Variants in PLXDC2 observed in about 807,000 individuals in gnomAD.
PLXDC2 encodes the protein plexin domain containing 2, also known as plexin domain-containing protein 2.
A neutral mutation model predicts 68.9 loss-of-function variants in PLXDC2; 40 were observed. The observed-to-expected ratio is 0.58, with a 90% CI of 0.45 to 0.76. The LOEUF (loss-of-function observed/expected upper bound fraction) is 0.76. Among genes scored for constraint, PLXDC2 ranks in the 30% least tolerant of loss-of-function variants. PLXDC2 has a pLI of 0.00. For missense variants in PLXDC2, 644 were observed against 661.9 expected, an observed-to-expected ratio of 0.97 and a Z score of 0.30; for synonymous variants, 243 against 234.2, an observed-to-expected ratio of 1.04 and a Z score of -0.34.
rs978510007 is a variant in PLXDC2, at chr10:20,286,466, G to T, written c.*6647G>T. 9 of 151,890 alleles carry T rather than the reference G, an allele frequency of 5.9e-5. No individual in the cohort carries two copies. The highest frequency in any genetic ancestry group is 2.2e-4 in the African/African-American group (9 of 41,346). The allele number at this position is 151,890 out of a possible 1,614,324, so 9.4% of individuals were successfully genotyped here. On this transcript the variant is annotated 3_prime_UTR_variant, in exon 14 of 14. Transcript: ENST00000377252. ...CTTCTCTTCATTCCACGAGAATTTT[G>T]ATTTTTAACAGCAGTCTCTCTTTTT...
chr10:20,103,372 T>G (rs922208160), intron 4 of PLXDC2, among the ~76,000 whole-genome samples: 4 of 152,150 alleles, frequency 2.6e-5, no homozygotes, highest in African/African-American at 7.2e-5. Context: ...AGATAGGCCA[T>G]GTAGATGTCA....
intron 1 of PLXDC2, among the ~76,000 whole-genome samples, 195 bp from the exon 2 acceptor site, chr10:20,001,580 G>A (rs12767775): frequency 1.3e-5 from 2 of 152,126 alleles, no homozygotes; most frequent in South Asian, 4.1e-4. Context: ...ACAACTCCTG[G>A]TGTTTCCTGC....
chr10:19,929,204 C>A (rs1406447985), intron 1 of PLXDC2, among the ~76,000 whole-genome samples: 1 of 151,652 alleles, frequency 6.6e-6, no homozygotes. Context: ...TGTGGTGAAA[C>A]CCTGCTCTAC....
At chr10:19,917,419 A>G (rs776775516) in intron 1 of PLXDC2, among the ~76,000 whole-genome samples, 1 of 152,228 alleles carries the variant, frequency 6.6e-6, no homozygotes, top group African/African-American at 2.4e-5. Flanking sequence ...GAGCATCAAA[A>G]GTATCACAAA....
At chr10:19,851,584 T>TCAAA (rs1837119156) in intron 1 of PLXDC2, among the ~76,000 whole-genome samples, 1 of 152,130 alleles carries the variant, frequency 6.6e-6, no homozygotes, top group African/African-American at 2.4e-5. Context: ...CTCGCTCTGT[T>TCAAA]ACCCAGGCTG....
At chr10:20,220,505 C>T (rs1452538156) in intron 12 of PLXDC2, among the ~76,000 whole-genome samples, 1 of 152,078 alleles carries the variant, frequency 6.6e-6, no homozygotes, top group African/African-American at 2.4e-5. Context: ...TTACTTCCTT[C>T]CCTTCCTTTC....
At position 20,022,454 on chromosome 10, in the gene PLXDC2, G is replaced by A. The variant is rs1835328588; in HGVS notation, c.324+20468G>A. Among the ~76,000 whole-genome samples the A allele has an allele frequency of 2.0e-5, 3 of 152,322 alleles. No homozygotes were observed. In the South Asian group the frequency reaches 6.2e-4, roughly 32 times the overall value. On this transcript the variant is annotated intron_variant, in intron 2 of 13. Coordinates refer to ENST00000377252, the MANE Select transcript of PLXDC2 (RefSeq NM_032812.9). ...GATGATTGGGAAGACTTGTTAGAAA[G>A]GCTGAGGTCAGAACCCAGAGGTCCT...
intron 1 of PLXDC2, among the ~76,000 whole-genome samples, chr10:19,983,554 G>C (rs920846319): frequency 6.6e-6 from 1 of 152,158 alleles, no homozygotes; most frequent in South Asian, 2.1e-4. Flanking sequence ...TGTAATAGCT[G>C]CTCTTACTTA....
At chr10:20,162,268 A>T (rs1227954735) in intron 6 of PLXDC2, among the ~76,000 whole-genome samples, 1 of 152,218 alleles carries the variant, frequency 6.6e-6, no homozygotes, top group African/African-American at 2.4e-5. Context: ...ATGTGACTTA[A>T]AAAACAAGCT....
chr10:19,842,872 G>A (rs925531655), intron 1 of PLXDC2, among the ~76,000 whole-genome samples: 11 of 151,768 alleles, frequency 7.2e-5, no homozygotes, highest in South Asian at 2.1e-4. Context: ...ATCTTTTGAC[G>A]TCATGTTTAT....
chr10:20,057,294 G>T (rs1239936967), intron 3 of PLXDC2, among the ~76,000 whole-genome samples: 1 of 152,068 alleles, frequency 6.6e-6, no homozygotes, highest in Admixed American at 6.6e-5. Context: ...CTTAATTCTT[G>T]TGAAAAATCT....
At chr10:20,257,637 G>A (rs1471585278) in intron 13 of PLXDC2, among the ~76,000 whole-genome samples, 3 of 152,154 alleles carry the variant, frequency 2.0e-5, no homozygotes, top group African/African-American at 7.2e-5. Flanking sequence ...TTAGTGGAAA[G>A]TCTGCCTAAA....
At chr10:20,165,506 C>T (rs1011064568) in intron 7 of PLXDC2, among the ~76,000 whole-genome samples, 1 of 151,820 alleles carries the variant, frequency 6.6e-6, no homozygotes, top group African/African-American at 2.4e-5. Context: ...TCAATTCCCA[C>T]CTATGAGTGA....
At chr10:20,062,213 C>T (rs1052271570) in intron 3 of PLXDC2, among the ~76,000 whole-genome samples, 5 of 152,150 alleles carry the variant, frequency 3.3e-5, no homozygotes, top group Admixed American at 1.3e-4. Flanking sequence ...ATCACGAGGT[C>T]AAAAGATCAA....
intron 3 of PLXDC2, among the ~76,000 whole-genome samples, chr10:20,053,001 T>C (rs1384007279): frequency 6.6e-6 from 1 of 152,146 alleles, no homozygotes; most frequent in African/African-American, 2.4e-5. Flanking sequence ...CAAACACTAT[T>C]TTGGAATCTT....
intron 1 of PLXDC2, among the ~76,000 whole-genome samples, chr10:19,956,032 CTGCGGCAT>C (rs760196411): frequency 6.6e-6 from 1 of 152,074 alleles, no homozygotes; most frequent in Non-Finnish European, 1.5e-5. Context: ...TGAGCCAAGA[CTGCGGCAT>C]TGCACTCCAG....
At chr10:19,960,751 C>G (rs1564639966) in intron 1 of PLXDC2, among the ~76,000 whole-genome samples, 1 of 152,090 alleles carries the variant, frequency 6.6e-6, no homozygotes, top group Non-Finnish European at 1.5e-5. Flanking sequence ...TTTTTTCCTT[C>G]CATATTACAA....
chr10:20,030,476 A>C (rs1214469188), intron 2 of PLXDC2, among the ~76,000 whole-genome samples: 1 of 152,198 alleles, frequency 6.6e-6, no homozygotes, highest in Admixed American at 6.5e-5. Context: ...CTGAAAAGGA[A>C]TTTGGAGGAA....
intron 4 of PLXDC2, among the ~76,000 whole-genome samples, chr10:20,075,226 T>C (rs1044413574): frequency 6.6e-6 from 1 of 152,292 alleles, no homozygotes; most frequent in East Asian, 1.9e-4. Context: ...TCTCACTCTG[T>C]CACCCAAGCT....
Sources: gnomAD v4.1 joint callset for allele counts (sites outside exome capture counted in the v4.1 genomes callset) on GRCh38, gnomAD v4.1.1 for gene constraint, MANE v1.5 for transcripts, NCBI Gene and HGNC (gene_info 2026-07-23, HGNC 2026-07-21) for gene names.